Variants in ACSS3 observed in about 807,000 individuals in gnomAD.
ACSS3 encodes the protein acyl-CoA synthetase short-chain family member 3, mitochondrial.
In ACSS3, 64 loss-of-function variants were observed where a neutral mutation model predicts 84.2. The ratio of observed to expected loss-of-function variants is 0.76; its 90% CI spans 0.62 to 0.94. The LOEUF (loss-of-function observed/expected upper bound fraction) is 0.94, where lower values mean the gene tolerates loss of function less well. Among genes scored for constraint, ACSS3 ranks in the 40% least tolerant of loss-of-function variants. The pLI, the probability that ACSS3 is intolerant of heterozygous loss-of-function variation, is 0.00. For missense variants in ACSS3, 815 were observed against 867.6 expected, an observed-to-expected ratio of 0.94 and a Z score of 0.76; for synonymous variants, 317 against 310.1, an observed-to-expected ratio of 1.02 and a Z score of -0.23.
intron 7 of ACSS3, among the ~76,000 whole-genome samples, chr12:81,165,023 T>C (rs1001127810): frequency 6.6e-6 from 1 of 152,212 alleles, no homozygotes; most frequent in South Asian, 2.1e-4. Flanking sequence ...AGAAAAATGA[T>C]GACTCAGCTA....
chr12:81,126,054 G>A (rs1885071058), intron 2 of ACSS3, among the ~76,000 whole-genome samples: 1 of 151,896 alleles, frequency 6.6e-6, no homozygotes, highest in Non-Finnish European at 1.5e-5. Context: ...ATTGTTTTTC[G>A]GGTTAGTCTA....
Position 81,078,315 on chromosome 12 carries a change from C to T in ACSS3, c.195C>T (p.His65=). 6.2e-7 allele frequency: 1 copy of T among 1,612,462 alleles called. No individual in the cohort carries two copies. The highest frequency in any genetic ancestry group is 1.7e-5 in the Admixed American group (1 of 60,022). The change falls in exon 1 of 16, where the codon CAC becomes CAT. Residue 65 remains histidine (H), a synonymous_variant. Coordinates refer to ENST00000548058, the MANE Select transcript of ACSS3 (RefSeq NM_024560.4). ...GCAGTGGCAGCGAGTACAAGACCCA[C>T]TTCGCAGCCTCGGTGACCGACCCCG... The part of the protein sequence containing the change: ...SSGSGSEYKT[H]FAASVTDPER...
Position 81,253,622 on chromosome 12 carries a change from G to C in ACSS3, c.1947G>C (p.Lys649Asn). ...VKQLPKTRSGKIPRSALSAIV... is the reference protein window; with the variant it reads ...VKQLPKTRSGNIPRSALSAIV... ...AGCTACCCAAAACCAGATCTGGCAA[G>C]ATCCCCCGATCAGCTTTATCTGCCA... is the stretch of plus-strand genomic sequence containing the variant. Residue 649 changes from lysine (K) to asparagine (N), a missense_variant, in exon 15 of 16, where the codon AAG (lysine) becomes AAC (asparagine). Transcript: ENST00000548058. 1.2e-6 allele frequency: 2 copies of C among 1,613,890 alleles called. No homozygotes were observed. Among genetic ancestry groups the C allele is most frequent in the Non-Finnish European group, 1.7e-6 (2 of 1,179,868 alleles).
intron 2 of ACSS3, among the ~76,000 whole-genome samples, chr12:81,134,388 A>T (rs1054967303): frequency 6.6e-6 from 1 of 152,108 alleles, no homozygotes; most frequent in East Asian, 1.9e-4. Context: ...GTTACCCAAC[A>T]TCTATCTAAA....
In ACSS3 at chr12:81,257,919, T is replaced by C. The variant is rs1018302213; in HGVS notation, c.*2997T>C. 1.3e-5 allele frequency: 2 copies of C among 152,168 alleles called. No homozygotes were observed. Among genetic ancestry groups the C allele is most frequent in the Non-Finnish European group, 2.9e-5 (2 of 68,008 alleles). 9.4% of individuals were successfully genotyped at this position (152,168 alleles called of 1,614,324 possible). A position where few individuals can be genotyped will look rare whatever the true frequency, so the allele number is the denominator to read the frequency against. On this transcript the variant is annotated 3_prime_UTR_variant, in exon 16 of 16. Transcript: ENST00000548058. ...TAGATGATTAATCTTTCTAACTTGA[T>C]CTTTAAAAGAAAGAAATTGATTTTA...
intron 7 of ACSS3, among the ~76,000 whole-genome samples, chr12:81,156,209 C>CCCCA (rs1555176599): frequency 8.1e-4 from 119 of 147,182 alleles, no homozygotes; most frequent in Non-Finnish European, 8.3e-4. Context: ...CACACACACC[C>CCCCA]CACACACACA....
chr12:81,120,989 T>C (rs1884544334), intron 2 of ACSS3, among the ~76,000 whole-genome samples: 1 of 152,226 alleles, frequency 6.6e-6, no homozygotes, highest in African/African-American at 2.4e-5. Flanking sequence ...TACTAGTGTA[T>C]GCACTGTATT....
At chr12:81,106,862 C>T (rs1261370238) in intron 1 of ACSS3, among the ~76,000 whole-genome samples, 1 of 152,000 alleles carries the variant, frequency 6.6e-6, no homozygotes, top group Non-Finnish European at 1.5e-5. Context: ...TGTGACATTA[C>T]ATATAAATGA....
In ACSS3 at chr12:81,135,292, A is replaced by G. The variant is rs956017448; in HGVS notation, c.645+288A>G. On this transcript the variant is annotated intron_variant, in intron 3 of 15. Transcript: ENST00000548058. ...GTGATATATATAATATATTATATAT[A>G]TTATAATATATATTATATATCACAT... 2.8e-5 allele frequency among the ~76,000 whole-genome samples: 4 copies of G among 144,180 alleles called. No homozygotes were observed. The Admixed American group carries it at 2.9e-4, about 10-fold the overall frequency. The allele number at this position is 144,180 out of a possible 152,430, so 94.6% of individuals were successfully genotyped here. A position where few individuals can be genotyped will look rare whatever the true frequency, so the allele number is the denominator to read the frequency against.
intron 7 of ACSS3, among the ~76,000 whole-genome samples, chr12:81,165,777 T>G (rs1887374073): frequency 6.6e-6 from 1 of 152,216 alleles, no homozygotes; most frequent in Admixed American, 6.5e-5. Flanking sequence ...CTATGATAAA[T>G]ACTCTACATT....
chr12:81,117,692 T>A (rs1884165242), intron 2 of ACSS3, among the ~76,000 whole-genome samples: 4 of 152,110 alleles, frequency 2.6e-5, no homozygotes, highest in African/African-American at 9.7e-5. Context: ...AAGCTCCATA[T>A]TGTCAAAGAA....
At chr12:81,090,900 T>G (rs756209986) in intron 1 of ACSS3, among the ~76,000 whole-genome samples, 1 of 152,056 alleles carries the variant, frequency 6.6e-6, no homozygotes, top group African/African-American at 2.4e-5. Flanking sequence ...TCAAATCCCT[T>G]ATATAAAATA....
intron 4 of ACSS3, among the ~76,000 whole-genome samples, chr12:81,140,734 A>G (rs903370273): frequency 1.3e-5 from 2 of 152,294 alleles, no homozygotes; most frequent in African/African-American, 2.4e-5. Context: ...AATCAGTAAT[A>G]TAGAAGGCTT....
At chr12:81,187,673 T>G (rs567084506) in intron 8 of ACSS3, among the ~76,000 whole-genome samples, 1 of 151,940 alleles carries the variant, frequency 6.6e-6, no homozygotes, top group South Asian at 2.1e-4. Flanking sequence ...ATAAAAAAAA[T>G]TATAGTTTAT....
At chr12:81,144,929 C>A (rs1221227342) in intron 5 of ACSS3, among the ~76,000 whole-genome samples, 4 of 115,812 alleles carry the variant, frequency 3.5e-5, no homozygotes, top group African/African-American at 1.3e-4. Context: ...TTGAGACAGT[C>A]TCCCTCTGTT....
At chr12:81,193,759 G>A (rs2031696261) in intron 8 of ACSS3, among the ~76,000 whole-genome samples, 1 of 151,392 alleles carries the variant, frequency 6.6e-6, no homozygotes, top group Non-Finnish European at 1.5e-5. Context: ...TCTTGAATTA[G>A]GTTAGTATTA....
At chr12:81,164,299 C>A (rs1887297817) in intron 7 of ACSS3, among the ~76,000 whole-genome samples, 1 of 152,072 alleles carries the variant, frequency 6.6e-6, no homozygotes, top group Non-Finnish European at 1.5e-5. Context: ...AGAGGCAATA[C>A]CATATAGCCT....
At chr12:81,181,335 C>T (rs561827444) in intron 8 of ACSS3, among the ~76,000 whole-genome samples, 2 of 152,282 alleles carry the variant, frequency 1.3e-5, no homozygotes, top group Non-Finnish European at 2.9e-5. Context: ...CCACCTAGTA[C>T]CAGAACAACT....
At chr12:81,202,471 T>A (rs2135905031) in intron 9 of ACSS3, among the ~76,000 whole-genome samples, 1 of 152,244 alleles carries the variant, frequency 6.6e-6, no homozygotes, top group South Asian at 2.1e-4. Context: ...GTTTTGTATA[T>A]CAAATAGATG....
Sources: gnomAD v4.1 joint callset for allele counts (sites outside exome capture counted in the v4.1 genomes callset) on GRCh38, gnomAD v4.1.1 for gene constraint, MANE v1.5 for transcripts, NCBI Gene and HGNC (gene_info 2026-07-23, HGNC 2026-07-21) for gene names.